ACTL8: variants seen among roughly 807,000 people sequenced by gnomAD.
The protein encoded by ACTL8 is actin-like protein 8.
In ACTL8, 3 loss-of-function variants were observed where a neutral mutation model predicts 9.3. The observed-to-expected ratio is 0.32, with a 90% CI of 0.15 to 0.83. ACTL8 has a LOEUF of 0.83. ACTL8 is among the 40% of genes least tolerant of loss of function. ACTL8 has a pLI of 0.57. For synonymous variants in ACTL8, 224 were observed against 205.9 expected (o/e 1.09, Z -0.75); for missense variants, 381 against 492.2 (o/e 0.77, Z 2.14).
At chr1:17,779,196 C>T (rs1385270411) in intron 1 of ACTL8, among the ~76,000 whole-genome samples, 1 of 152,108 alleles carries the variant, frequency 6.6e-6, no homozygotes, top group Non-Finnish European at 1.5e-5. Context: ...GACCCTCTCC[C>T]TCCTGGACCC....
intron 1 of ACTL8, among the ~76,000 whole-genome samples, chr1:17,776,477 G>A (rs905816683): frequency 3.9e-5 from 6 of 152,170 alleles, no homozygotes; most frequent in Non-Finnish European, 8.8e-5. Context: ...GTTGCGGGGT[G>A]AGGCTCACTC....
chr1:17,788,060 G>A (rs1457642165), intron 1 of ACTL8, among the ~76,000 whole-genome samples: 1 of 152,226 alleles, frequency 6.6e-6, no homozygotes, highest in Non-Finnish European at 1.5e-5. Flanking sequence ...AGTTGCATCT[G>A]TGGATCCTTT....
intron 1 of ACTL8, among the ~76,000 whole-genome samples, chr1:17,787,908 A>G (rs1352927065): frequency 6.6e-6 from 1 of 152,078 alleles, no homozygotes; most frequent in Admixed American, 6.5e-5. Context: ...CTTGCCAGCA[A>G]GAGATGTTAT....
chr1:17,811,571 G>T (rs983505455), intron 1 of ACTL8, among the ~76,000 whole-genome samples: 3 of 152,072 alleles, frequency 2.0e-5, no homozygotes, highest in Non-Finnish European at 4.4e-5. Context: ...TTTTGCAGAA[G>T]TTTTATAATT....
At chr1:17,769,517 C>T (rs1023423907) in intron 1 of ACTL8, among the ~76,000 whole-genome samples, 1 of 152,154 alleles carries the variant, frequency 6.6e-6, no homozygotes, top group Non-Finnish European at 1.5e-5. Context: ...TGCTCTGTCA[C>T]GAATTCCCTG....
chr1:17,761,303 AG>A (rs2066000761), intron 1 of ACTL8, among the ~76,000 whole-genome samples: 1 of 151,924 alleles, frequency 6.6e-6, no homozygotes. Flanking sequence ...TAGATGCCAA[AG>A]GGCCTAGCGC....
intron 1 of ACTL8, among the ~76,000 whole-genome samples, chr1:17,814,529 A>G (rs187502279): frequency 7.0e-4 from 106 of 152,318 alleles, no homozygotes; most frequent in African/African-American, 2.4e-3. Flanking sequence ...GCAAGACTCC[A>G]TATCTACCAA....
intron 1 of ACTL8, among the ~76,000 whole-genome samples, chr1:17,789,419 C>G (rs558079040): frequency 1.3e-5 from 2 of 152,206 alleles, no homozygotes; most frequent in South Asian, 4.2e-4. Context: ...CCCCTTTTTT[C>G]TTTCCAAGAT....
intron 1 of ACTL8, among the ~76,000 whole-genome samples, chr1:17,759,391 C>T (rs2065987857): frequency 6.6e-6 from 1 of 152,250 alleles, no homozygotes; most frequent in African/African-American, 2.4e-5. Flanking sequence ...CAGCAGAGGC[C>T]AGCAGCACCT....
chr1:17,785,865 T>C (rs2066193639), intron 1 of ACTL8, among the ~76,000 whole-genome samples: 1 of 152,300 alleles, frequency 6.6e-6, no homozygotes, highest in East Asian at 1.9e-4. Context: ...CAGGCAAAGC[T>C]TAGCTGGGTC....
intron 1 of ACTL8, among the ~76,000 whole-genome samples, chr1:17,792,585 C>A (rs780281461): frequency 6.6e-6 from 1 of 152,192 alleles, no homozygotes; most frequent in Non-Finnish European, 1.5e-5. Context: ...TTATCTTCAT[C>A]CTCCTCCTAA....
At chr1:17,803,025 G>A (rs2066334417) in intron 1 of ACTL8, among the ~76,000 whole-genome samples, 1 of 152,150 alleles carries the variant, frequency 6.6e-6, no homozygotes, top group Admixed American at 6.5e-5. Context: ...CTGCTGCTAT[G>A]GTTTGGCTGT....
At chr1:17,783,606 T>C (rs189573797) in intron 1 of ACTL8, among the ~76,000 whole-genome samples, 2 of 152,216 alleles carry the variant, frequency 1.3e-5, no homozygotes, top group Non-Finnish European at 2.9e-5. Flanking sequence ...TCTGGCCTCC[T>C]TGTGTGTCCC....
intron 1 of ACTL8, among the ~76,000 whole-genome samples, chr1:17,808,489 C>T (rs1256457552): frequency 6.6e-6 from 1 of 152,226 alleles, no homozygotes; most frequent in African/African-American, 2.4e-5. Flanking sequence ...GGATTTGAAT[C>T]TTGACTACAC....
chr1:17,775,820 C>T (rs749970268), intron 1 of ACTL8, among the ~76,000 whole-genome samples: 8 of 152,190 alleles, frequency 5.3e-5, no homozygotes, highest in Non-Finnish European at 8.8e-5. Context: ...ATTCATGTGC[C>T]CTAGGTGCTC....
At chr1:17,800,297 T>C (rs1403025236) in intron 1 of ACTL8, among the ~76,000 whole-genome samples, 1 of 152,230 alleles carries the variant, frequency 6.6e-6, no homozygotes, top group Non-Finnish European at 1.5e-5. Flanking sequence ...ATGTTTTCGT[T>C]GATAATATGA....
At chr1:17,824,802 A>G (rs535987521) in intron 2 of ACTL8, among the ~76,000 whole-genome samples, 4 of 152,264 alleles carry the variant, frequency 2.6e-5, no homozygotes, top group African/African-American at 9.6e-5. Context: ...GTTCCTGGGG[A>G]GTTTTAAATG....
At chr1:17,759,665 C>CT (rs1255840829) in intron 1 of ACTL8, among the ~76,000 whole-genome samples, 4 of 152,218 alleles carry the variant, frequency 2.6e-5, no homozygotes, top group Non-Finnish European at 4.4e-5. Flanking sequence ...CTTGGGCACT[C>CT]TGTCAGCTCA....
chr1:17,763,890 A>G (rs1423475722), intron 1 of ACTL8, among the ~76,000 whole-genome samples: 1 of 152,182 alleles, frequency 6.6e-6, no homozygotes, highest in African/African-American at 2.4e-5. Flanking sequence ...ATGGAGCTCC[A>G]TGCTTTACCG....
Sources: allele counts gnomAD v4.1 joint callset (sites outside exome capture counted in the v4.1 genomes callset), GRCh38; gene constraint gnomAD v4.1.1; transcripts MANE v1.5; gene names NCBI Gene and HGNC (gene_info 2026-07-23, HGNC 2026-07-21).